The following MACF1 variants were observed in gnomAD, a reference collection of about 807,000 sequenced individuals.
MACF1 encodes microtubule-actin cross-linking factor 1.
Under a neutral mutation model 854.8 loss-of-function variants are expected in MACF1, and 193 were observed. The ratio of observed to expected loss-of-function variants is 0.23; its 90% CI spans 0.20 to 0.25. The LOEUF is 0.25. MACF1 is among the 10% of genes least tolerant of loss of function. The probability of loss-of-function intolerance (pLI) is 1.00; values close to 1 mark genes in which losing one functional copy is unlikely to be tolerated. For synonymous variants in MACF1, 3,185 were observed against 3,226.7 expected (o/e 0.99, Z 0.44); for missense variants, 7,722 against 8,929.1 (o/e 0.86, Z 5.45).
At chr1:39,274,801 T>C (rs535674044) in intron 6 of MACF1, among the ~76,000 whole-genome samples, 1 of 152,356 alleles carries the variant, frequency 6.6e-6, no homozygotes, top group South Asian at 2.1e-4. Context: ...TGTGCTACAA[T>C]TTCCTTATTT....
intron 2 of MACF1, among the ~76,000 whole-genome samples, chr1:39,092,647 T>A (rs1372956446): frequency 6.6e-6 from 1 of 152,104 alleles, no homozygotes; most frequent in African/African-American, 2.4e-5. Flanking sequence ...ATTTCAAACA[T>A]AGTAAAGTAG....
At chr1:39,396,638 G>A (rs947932426) in intron 58 of MACF1, among the ~76,000 whole-genome samples, 1 of 152,184 alleles carries the variant, frequency 6.6e-6, no homozygotes, top group Non-Finnish European at 1.5e-5. Context: ...GGCTGGTTCT[G>A]GAGCTTCAGA....
intron 21 of MACF1, chr1:39,298,538 G>T (rs965163451): frequency 7.8e-5 from 26 of 333,884 alleles, no homozygotes; most frequent in African/African-American, 5.2e-4. Context: ...GGGGAATCTC[G>T]CATTTCAATA....
chr1:39,232,746 G>GTTTTTTTTTTTTGTTTTTTTTTTTT (rs1644793857), intron 2 of MACF1, among the ~76,000 whole-genome samples: 2 of 128,482 alleles, frequency 1.6e-5, no homozygotes, highest in Admixed American at 7.9e-5. Flanking sequence ...TACTCTCTTT[G>GTTTTTTTTTTTTGTTTTTTTTTTTT]TTTTTTTTTT....
At chr1:39,429,592 A>G (rs1377271549) in intron 64 of MACF1, among the ~76,000 whole-genome samples, 2 of 152,178 alleles carry the variant, frequency 1.3e-5, no homozygotes, top group African/African-American at 4.8e-5. Flanking sequence ...TGCTGGAAAC[A>G]TCTAGAAACA....
intron 58 of MACF1, among the ~76,000 whole-genome samples, chr1:39,402,824 C>T (rs116617250): frequency 1.2e-3 from 186 of 152,260 alleles, no homozygotes; most frequent in African/African-American, 4.2e-3. Flanking sequence ...GATCTTCTTT[C>T]TTGAAAGTTA....
intron 49 of MACF1, among the ~76,000 whole-genome samples, chr1:39,363,958 T>G (rs995659981): frequency 6.6e-6 from 1 of 152,208 alleles, no homozygotes; most frequent in African/African-American, 2.4e-5. Context: ...TTTCCGAAAT[T>G]GTGCTATTAC....
intron 2 of MACF1, among the ~76,000 whole-genome samples, chr1:39,239,997 A>T (rs1386752267): frequency 2.6e-5 from 4 of 152,130 alleles, no homozygotes. Context: ...GTGCTCAAGG[A>T]ATCTTTGGCC....
chr1:39,232,909 A>T (rs1390770122), intron 2 of MACF1, among the ~76,000 whole-genome samples: 1 of 152,056 alleles, frequency 6.6e-6, no homozygotes, highest in Non-Finnish European at 1.5e-5. Context: ...CATCCTCCTG[A>T]GTAGCTGGAA....
chr1:39,194,557 G>A (rs1230218098), intron 2 of MACF1, among the ~76,000 whole-genome samples: 1 of 151,390 alleles, frequency 6.6e-6, no homozygotes, highest in African/African-American at 2.4e-5. Flanking sequence ...GGCCAGGCTG[G>A]TCTTGAACTC....
intron 54 of MACF1, 25 bp from the exon 55 acceptor site, chr1:39,380,219 G>A: frequency 3.7e-6 from 6 of 1,607,226 alleles, no homozygotes; most frequent in Non-Finnish European, 5.1e-6. Flanking sequence ...GAATCTCATG[G>A]CATGCATGGC....
intron 2 of MACF1, among the ~76,000 whole-genome samples, chr1:39,180,984 C>T (rs1024775014): frequency 1.3e-5 from 2 of 152,224 alleles, no homozygotes; most frequent in Admixed American, 6.5e-5. Flanking sequence ...CTGTTCACTG[C>T]AGCCTCTGCC....
chr1:39,113,982 G>T (rs1479776970), intron 2 of MACF1, among the ~76,000 whole-genome samples: 2 of 151,768 alleles, frequency 1.3e-5, no homozygotes, highest in East Asian at 3.9e-4. Flanking sequence ...GTTGTAGAGA[G>T]CCCAGATTGT....
chr1:39,405,804 A>G (rs977744854), intron 58 of MACF1, among the ~76,000 whole-genome samples: 3 of 152,158 alleles, frequency 2.0e-5, no homozygotes, highest in Non-Finnish European at 4.4e-5. Flanking sequence ...GGTGGGGGAA[A>G]TATCTGAAGA....
chr1:39,233,078 AG>A (rs1248338027), intron 2 of MACF1, among the ~76,000 whole-genome samples: 3 of 152,070 alleles, frequency 2.0e-5, no homozygotes, highest in African/African-American at 7.2e-5. Flanking sequence ...CTTGTTGCCC[AG>A]GCTGGAGTGC....
chr1:39,244,014 T>C (rs953927523), intron 2 of MACF1, among the ~76,000 whole-genome samples: 5 of 152,074 alleles, frequency 3.3e-5, no homozygotes, highest in Admixed American at 3.3e-4. Flanking sequence ...TTGACAGTTT[T>C]CCAGGCAAGG....
At chr1:39,134,034 CT>C (rs754585049) in intron 2 of MACF1, among the ~76,000 whole-genome samples, 10,709 of 71,176 alleles carry the variant, frequency 0.15, 142 homozygotes, top group Middle Eastern at 0.21. Context: ...GAAGAACAGT[CT>C]TTTTTTTTTT....
chr1:39,277,523 T>A (rs1207405675), intron 6 of MACF1, among the ~76,000 whole-genome samples: 1 of 152,246 alleles, frequency 6.6e-6, no homozygotes, highest in East Asian at 1.9e-4. Context: ...CTGTTTTACC[T>A]TCATACATCT....
At chr1:39,431,792 A>C (rs946439865) in intron 66 of MACF1, among the ~76,000 whole-genome samples, 1 of 176 alleles carries the variant, frequency 5.7e-3, no homozygotes, top group Non-Finnish European at 9.4e-3. Flanking sequence ...TGGGCAACAT[A>C]ACAAGACACA....
Sources: gnomAD v4.1 joint callset for allele counts (sites outside exome capture counted in the v4.1 genomes callset) on GRCh38, gnomAD v4.1.1 for gene constraint, MANE v1.5 for transcripts, NCBI Gene and HGNC (gene_info 2026-07-23, HGNC 2026-07-21) for gene names.